The following SNTG1 variants were observed in gnomAD, a reference collection of about 807,000 sequenced individuals.
The protein encoded by SNTG1 is syntrophin gamma 1, also known as gamma-1-syntrophin.
Under a neutral mutation model 74.7 loss-of-function variants are expected in SNTG1, and 39 were observed. That is an observed-to-expected ratio of 0.52 (90% CI 0.40 to 0.68). The LOEUF is 0.68. Ranked by LOEUF, SNTG1 falls within the 30% of genes least tolerant of loss-of-function variation. The pLI, the probability that SNTG1 is intolerant of heterozygous loss-of-function variation, is 0.00. For missense variants in SNTG1, 685 were observed against 609.5 expected, an observed-to-expected ratio of 1.12 and a Z score of -1.30; for synonymous variants, 254 against 217.1, an observed-to-expected ratio of 1.17 and a Z score of -1.49.
intron 18 of SNTG1, among the ~76,000 whole-genome samples, chr8:50,760,103 G>A (rs567790041): frequency 1.3e-5 from 2 of 152,044 alleles, no homozygotes; most frequent in South Asian, 4.2e-4. Flanking sequence ...TTTCTTTGTA[G>A]CAATTATGAA....
chr8:50,569,918 A>T (rs1310627301), intron 12 of SNTG1, among the ~76,000 whole-genome samples: 1 of 152,214 alleles, frequency 6.6e-6, no homozygotes, highest in Non-Finnish European at 1.5e-5. Flanking sequence ...AGAGTCATTT[A>T]AGTCAGAATA....
intron 2 of SNTG1, among the ~76,000 whole-genome samples, chr8:50,235,684 C>T (rs9643720): frequency 0.62 from 94,151 of 151,916 alleles, 30,777 homozygotes; most frequent in East Asian, 0.85. Flanking sequence ...AAGGAAAAAG[C>T]TCATTAGATA....
intron 17 of SNTG1, among the ~76,000 whole-genome samples, chr8:50,720,917 T>G (rs1346726256): frequency 6.6e-6 from 1 of 152,226 alleles, no homozygotes; most frequent in Non-Finnish European, 1.5e-5. Context: ...CATAAAATAG[T>G]TAACATAGGG....
chr8:50,294,618 G>T (rs2089278499), intron 2 of SNTG1, among the ~76,000 whole-genome samples: 1 of 152,144 alleles, frequency 6.6e-6, no homozygotes, highest in African/African-American at 2.4e-5. Context: ...TTCTAGTGAG[G>T]CCTTCAACAG....
chr8:49,961,723 G>A (rs1451723814), intron 1 of SNTG1, among the ~76,000 whole-genome samples: 1 of 152,144 alleles, frequency 6.6e-6, no homozygotes, highest in African/African-American at 2.4e-5. Flanking sequence ...CATCTGCGGA[G>A]GCAGCTATTT....
Position 50,381,613 on chromosome 8 carries a change from ATTAG to A in SNTG1, c.-27-12595_-27-12592del, listed in dbSNP as rs1346558801. ...GTGTGTATATATATATATATCTCCT[ATTAG>A]TTATATATATATATCCTATTAGTTA... On this transcript the variant is annotated intron_variant, in intron 2 of 18. Transcript: ENST00000642720. Among the ~76,000 whole-genome samples the A allele has an allele frequency of 1.2e-4, 15 of 125,786 alleles. 1 individual carries two copies. The East Asian group carries it at 1.8e-3, about 15-fold the overall frequency. 82.5% of individuals were successfully genotyped at this position (125,786 alleles called of 152,430 possible). A position where few individuals can be genotyped will look rare whatever the true frequency, so the allele number is the denominator to read the frequency against.
intron 13 of SNTG1, among the ~76,000 whole-genome samples, chr8:50,633,848 C>T (rs142366666): frequency 3.9e-4 from 60 of 152,260 alleles, no homozygotes; most frequent in African/African-American, 1.3e-3. Flanking sequence ...GCTAATGGGA[C>T]ATTGCTGTTT....
At chr8:50,783,531 AT>A in intron 18 of SNTG1, among the ~76,000 whole-genome samples, 1 of 152,246 alleles carries the variant, frequency 6.6e-6, no homozygotes, top group East Asian at 1.9e-4. Flanking sequence ...CTGGTGTGCC[AT>A]TTTTTAAGCC....
chr8:50,582,257 T>C (rs1363520100), intron 12 of SNTG1, among the ~76,000 whole-genome samples: 3 of 152,218 alleles, frequency 2.0e-5, no homozygotes, highest in Non-Finnish European at 4.4e-5. Flanking sequence ...AGCTATTCTC[T>C]GTCTTCATTC....
intron 18 of SNTG1, among the ~76,000 whole-genome samples, chr8:50,766,846 A>G (rs2095615130): frequency 2.6e-5 from 4 of 151,984 alleles, no homozygotes; most frequent in Admixed American, 2.6e-4. Flanking sequence ...AATATATTTA[A>G]TAAAGTGCTA....
chr8:50,585,642 T>G (rs1483827618), intron 12 of SNTG1, among the ~76,000 whole-genome samples: 1 of 152,236 alleles, frequency 6.6e-6, no homozygotes, highest in South Asian at 2.1e-4. Flanking sequence ...AGTAGAAAAT[T>G]TTTAAAACTT....
intron 17 of SNTG1, among the ~76,000 whole-genome samples, chr8:50,726,750 G>A (rs1477705047): frequency 6.6e-6 from 1 of 152,176 alleles, no homozygotes; most frequent in African/African-American, 2.4e-5. Context: ...TGAGGAGGCT[G>A]AAGCGGGAGA....
chr8:50,259,408 A>C (rs1375641405), intron 2 of SNTG1, among the ~76,000 whole-genome samples: 1 of 151,286 alleles, frequency 6.6e-6, no homozygotes, highest in Admixed American at 6.6e-5. Flanking sequence ...CTGAGGCAGG[A>C]GAATCACTTG....
intron 2 of SNTG1, among the ~76,000 whole-genome samples, chr8:50,265,605 C>A (rs2130177727): frequency 6.6e-6 from 1 of 152,004 alleles, no homozygotes; most frequent in East Asian, 1.9e-4. Flanking sequence ...TCGAATTTGA[C>A]AGGAAGTTCT....
At chr8:50,732,283 T>C (rs7822224) in intron 17 of SNTG1, among the ~76,000 whole-genome samples, 65,694 of 151,732 alleles carry the variant, frequency 0.43, 16,452 homozygotes, top group African/African-American at 0.7. Flanking sequence ...GCATTTATAG[T>C]TAAGCCAAGC....
intron 2 of SNTG1, among the ~76,000 whole-genome samples, chr8:50,188,217 C>T (rs1253249298): frequency 1.3e-5 from 2 of 152,184 alleles, no homozygotes; most frequent in Non-Finnish European, 1.5e-5. Flanking sequence ...CCCTAGACTT[C>T]CTTGCCACCA....
At chr8:50,014,310 G>A (rs1035690225) in intron 1 of SNTG1, among the ~76,000 whole-genome samples, 1 of 152,078 alleles carries the variant, frequency 6.6e-6, no homozygotes, top group Non-Finnish European at 1.5e-5. Context: ...CTCAACTCAG[G>A]CAGGACAAAT....
At chr8:50,284,502 A>T (rs964733555) in intron 2 of SNTG1, among the ~76,000 whole-genome samples, 1 of 152,074 alleles carries the variant, frequency 6.6e-6, no homozygotes, top group Non-Finnish European at 1.5e-5. Flanking sequence ...GTCCTTTAAC[A>T]TCCACCTGTC....
At chr8:50,266,844 ACT>A (rs1490005826) in intron 2 of SNTG1, among the ~76,000 whole-genome samples, 1 of 151,508 alleles carries the variant, frequency 6.6e-6, no homozygotes, top group East Asian at 1.9e-4. Flanking sequence ...CACTTTGGAA[ACT>A]CCACTTTAAG....
Sources: gnomAD v4.1 joint callset for allele counts (sites outside exome capture counted in the v4.1 genomes callset) on GRCh38, gnomAD v4.1.1 for gene constraint, MANE v1.5 for transcripts, NCBI Gene and HGNC (gene_info 2026-07-23, HGNC 2026-07-21) for gene names.